The following EYS variants were observed in gnomAD, a reference collection of about 807,000 sequenced individuals.
EYS encodes the protein EGF-like photoreceptor maintenance factor.
A neutral mutation model predicts 282.1 loss-of-function variants in EYS; 250 were observed. The ratio of observed to expected loss-of-function variants is 0.89; its 90% CI spans 0.80 to 0.98. The LOEUF is 0.98. EYS is among the 50% of genes least tolerant of loss of function. The probability of loss-of-function intolerance (pLI) is 0.00; values close to 1 mark genes in which losing one functional copy is unlikely to be tolerated. For synonymous variants in EYS, 1,355 were observed against 1,282.9 expected (o/e 1.06, Z -1.20); for missense variants, 4,016 against 3,709.0 (o/e 1.08, Z -2.15).
intron 2 of EYS, among the ~76,000 whole-genome samples, chr6:65,517,443 G>C (rs1282746824): frequency 6.6e-6 from 1 of 151,428 alleles, no homozygotes; most frequent in Non-Finnish European, 1.5e-5. Context: ...CTTTCACAAT[G>C]AATTAATCTG....
At chr6:64,973,530 C>G (rs1770370194) in intron 14 of EYS, among the ~76,000 whole-genome samples, 1 of 151,886 alleles carries the variant, frequency 6.6e-6, no homozygotes, top group Non-Finnish European at 1.5e-5. Flanking sequence ...CTAAGAGTCC[C>G]AAAGGAAGAG....
At chr6:63,769,297 C>G (rs1044142678) in intron 40 of EYS, among the ~76,000 whole-genome samples, 3 of 150,438 alleles carry the variant, frequency 2.0e-5, no homozygotes, top group Non-Finnish European at 4.4e-5. Flanking sequence ...TTTTTTTTTT[C>G]TATAAGCATC....
chr6:65,492,299 AAG>A (rs1202413943), intron 4 of EYS, among the ~76,000 whole-genome samples: 3 of 149,230 alleles, frequency 2.0e-5, no homozygotes, highest in African/African-American at 7.4e-5. Context: ...GGCTGTAAGA[AAG>A]AGAAAGAGAG....
At chr6:63,874,260 C>T (rs181218516) in intron 35 of EYS, among the ~76,000 whole-genome samples, 16 of 152,132 alleles carry the variant, frequency 1.1e-4, no homozygotes, top group Admixed American at 1.0e-3. Context: ...GAATCCTTTC[C>T]CCATTTCTTG....
At chr6:64,492,959 A>G (rs1295755523) in intron 26 of EYS, among the ~76,000 whole-genome samples, 1 of 151,378 alleles carries the variant, frequency 6.6e-6, no homozygotes, top group African/African-American at 2.4e-5. Flanking sequence ...GTCATAATGC[A>G]AGTAAATTCG....
In EYS at chr6:64,567,658, G is replaced by A. The variant is rs141143254; in HGVS notation, c.5644+22565C>T. Among the ~76,000 whole-genome samples the A allele has an allele frequency of 3.3e-5, 5 of 152,238 alleles. No homozygotes were observed. In the East Asian group the frequency reaches 9.6e-4, roughly 29 times the overall value. On this transcript the variant is annotated intron_variant, in intron 26 of 42. Coordinates refer to ENST00000503581, the MANE Select transcript of EYS (RefSeq NM_001142800.2). ...GAGTGATATCTGAAAGAAGTCTCAA[G>A]TGATTTATTTGGAAAACTATTTCTA... is the stretch of plus-strand genomic sequence containing the variant.
chr6:64,659,288 G>T (rs1167083937), intron 22 of EYS, among the ~76,000 whole-genome samples: 1 of 152,154 alleles, frequency 6.6e-6, no homozygotes, highest in Non-Finnish European at 1.5e-5. Flanking sequence ...AAGCAGGAAA[G>T]ATTTAAAATT....
At chr6:65,445,829 CAAGTT>C in intron 5 of EYS, among the ~76,000 whole-genome samples, 1 of 151,748 alleles carries the variant, frequency 6.6e-6, no homozygotes, top group East Asian at 1.9e-4. Context: ...ATTTTAGAAA[CAAGTT>C]AATATGTACT....
intron 22 of EYS, among the ~76,000 whole-genome samples, chr6:64,747,773 T>C (rs1196434597): frequency 2.0e-5 from 3 of 152,220 alleles, no homozygotes; most frequent in East Asian, 1.9e-4. Context: ...GGGATTTACA[T>C]TGAAAATTCT....
rs974792896 is a variant in EYS, at chr6:63,982,250, A to C, written c.7055+2133T>G. Among the ~76,000 whole-genome samples, 5 of 151,798 alleles carry C rather than the reference A, an allele frequency of 3.3e-5. No individual in the cohort carries two copies. The South Asian group carries it at 6.2e-4, about 19-fold the overall frequency. Reference sequence around the variant, plus strand: ...ATAACAATATTAACACCAACTTAGCACCTTAAAAGAACATACTAACAGTTA... The same window carrying C: ...ATAACAATATTAACACCAACTTAGCCCCTTAAAAGAACATACTAACAGTTA... On this transcript the variant is annotated intron_variant, in intron 35 of 42. Transcript: ENST00000503581.
intron 5 of EYS, among the ~76,000 whole-genome samples, chr6:65,463,314 A>G (rs1325299323): frequency 6.6e-6 from 1 of 152,092 alleles, no homozygotes; most frequent in Non-Finnish European, 1.5e-5. Context: ...GTCACTGTTC[A>G]TTGCCTGACA....
intron 29 of EYS, among the ~76,000 whole-genome samples, chr6:64,373,246 T>C (rs1204759140): frequency 6.6e-6 from 1 of 152,172 alleles, no homozygotes; most frequent in African/African-American, 2.4e-5. Flanking sequence ...ATTGTTGTTG[T>C]TGTTTTCTTC....
At chr6:64,754,918 C>T (rs1283715941) in intron 22 of EYS, among the ~76,000 whole-genome samples, 1 of 152,082 alleles carries the variant, frequency 6.6e-6, no homozygotes, top group African/African-American at 2.4e-5. Context: ...TACTATTCAA[C>T]ACAATAATGG....
chr6:65,626,759 T>C (rs1175846788), intron 2 of EYS, among the ~76,000 whole-genome samples: 1 of 152,010 alleles, frequency 6.6e-6, no homozygotes, highest in African/African-American at 2.4e-5. Context: ...TATCCCAGCC[T>C]CAAAGTTGTA....
chr6:65,476,325 A>G (rs1376256814), intron 5 of EYS, among the ~76,000 whole-genome samples: 1 of 152,200 alleles, frequency 6.6e-6, no homozygotes, highest in Non-Finnish European at 1.5e-5. Flanking sequence ...TACTAATAGA[A>G]TAAAATCTAA....
intron 29 of EYS, among the ~76,000 whole-genome samples, chr6:64,350,195 A>C (rs1771573990): frequency 1.3e-5 from 2 of 151,524 alleles, no homozygotes; most frequent in Non-Finnish European, 3.0e-5. Context: ...TCATCGTATT[A>C]CTTCAGATCC....
intron 14 of EYS, among the ~76,000 whole-genome samples, chr6:64,957,286 C>T (rs1237784330): frequency 1.3e-5 from 2 of 152,058 alleles, no homozygotes; most frequent in Non-Finnish European, 2.9e-5. Context: ...ATGGATGGAA[C>T]TGGAGATTAT....
chr6:64,969,119 C>G (rs531675117), intron 14 of EYS, among the ~76,000 whole-genome samples: 1 of 151,906 alleles, frequency 6.6e-6, no homozygotes, highest in Non-Finnish European at 1.5e-5. Context: ...TTTCCTAAAA[C>G]TTTTCCTGGG....
At chr6:64,031,428 C>T (rs530539132) in intron 33 of EYS, among the ~76,000 whole-genome samples, 27 of 152,308 alleles carry the variant, frequency 1.8e-4, no homozygotes, top group African/African-American at 6.3e-4. Flanking sequence ...GGCTCCTGTG[C>T]GGCCCAAGCC....
Sources: gnomAD v4.1 joint callset for allele counts (sites outside exome capture counted in the v4.1 genomes callset) on GRCh38, gnomAD v4.1.1 for gene constraint, MANE v1.5 for transcripts, NCBI Gene and HGNC (gene_info 2026-07-23, HGNC 2026-07-21) for gene names.